Variants in RIOX2 observed in about 807,000 individuals in gnomAD.
RIOX2 encodes the protein 60S ribosomal protein L27a histidine hydroxylase.
RIOX2 carries 43 observed loss-of-function variants against 51.2 expected under a neutral mutation model. The ratio of observed to expected loss-of-function variants is 0.84; its 90% CI spans 0.66 to 1.08. The LOEUF is 1.08. RIOX2 is among the 50% of genes least tolerant of loss of function. RIOX2 has a pLI of 0.00. For missense variants in RIOX2, 566 were observed against 561.7 expected (o/e 1.01, Z -0.08); for synonymous variants, 226 against 218.5 (o/e 1.03, Z -0.30).
chr3:97,942,350 A>T lies in RIOX2; in HGVS notation c.*2834T>A, dbSNP rs764915783. On this transcript the variant is annotated 3_prime_UTR_variant, in exon 10 of 10. Coordinates refer to ENST00000394198, the MANE Select transcript of RIOX2 (RefSeq NM_153182.4). ...ACCTGGAGCTAAAGTAGCTCTATGG[A>T]CTGAACATGGGCAATTCAGGCAGAA... The T allele has an allele frequency of 3.1e-6, 5 of 1,611,910 alleles. No individual in the cohort carries two copies. Among genetic ancestry groups the T allele is most frequent in the Non-Finnish European group, 4.2e-6 (5 of 1,178,608 alleles).
chr3:97,950,848 C>A lies in RIOX2; in HGVS notation c.826G>T (p.Val276Leu), dbSNP rs752038251. Residue 276 changes from valine (V) to leucine (L), a missense_variant, in exon 6 of 10, where the codon GTA becomes TTA. Physicochemically the swap from Val to Leu is conservative, Grantham distance 32 (BLOSUM62 1). Transcript: ENST00000394198. The part of the protein sequence containing the change: ...DFLLDTISGL[V>L]FDTAKEDVEL... ...ACGTCTTCCTTTGCAGTATCAAATA[C>A]AAGCCCCGAGATGGTATCCAAAAGG... 6.2e-7 allele frequency: 1 copy of A among 1,613,754 alleles called. No homozygotes were observed. The highest frequency in any genetic ancestry group is 1.1e-5 in the South Asian group (1 of 91,058).
Position 97,959,110 on chromosome 3 carries a change from C to G in RIOX2, c.622G>C (p.Glu208Gln), listed in dbSNP as rs1705568079. The change falls in exon 4 of 10, where the codon GAG becomes CAG. Residue 208 changes from glutamate (E) to glutamine (Q), a missense_variant. By Grantham distance (29) the Glu-to-Gln change is conservative (BLOSUM62 2). Coordinates refer to ENST00000394198, the MANE Select transcript of RIOX2 (RefSeq NM_153182.4). The part of the protein sequence containing the change: ...LYHPTVPLAR[E>Q]YSVEAEERIG... ...CTTTCCTCGGCCTCCACGCTGTACT[C>G]TCGTGCCAGGGGCACAGTGGGGTGG... The G allele has an allele frequency of 6.2e-7, 1 of 1,613,926 alleles. No homozygotes were observed. The highest frequency in any genetic ancestry group is 1.7e-5 in the Admixed American group (1 of 59,994).
intron 7 of RIOX2, among the ~76,000 whole-genome samples, chr3:97,949,642 T>C (rs1331234339): frequency 6.6e-6 from 1 of 152,116 alleles, no homozygotes; most frequent in African/African-American, 2.4e-5. Context: ...ACAAGTTCTT[T>C]CCAAATGACT....
intron 4 of RIOX2, among the ~76,000 whole-genome samples, chr3:97,956,453 A>C (rs1705453673): frequency 6.6e-6 from 1 of 152,178 alleles, no homozygotes; most frequent in South Asian, 2.1e-4. Flanking sequence ...TTTGACAAGA[A>C]GCAACAGAAA....
chr3:97,962,392 G>A (rs527626964), intron 2 of RIOX2, among the ~76,000 whole-genome samples: 9 of 123,358 alleles, frequency 7.3e-5, no homozygotes, highest in Non-Finnish European at 9.5e-5. Context: ...ATGTCTTTAA[G>A]TCGGTCTGAA....
chr3:97,943,202 T>TTTC lies in RIOX2; in HGVS notation c.*1979_*1981dup. On this transcript the variant is annotated 3_prime_UTR_variant, in exon 10 of 10. Coordinates refer to ENST00000394198, the MANE Select transcript of RIOX2 (RefSeq NM_153182.4). The stretch of plus-strand genomic sequence containing the variant: ...AAGCACCTGCCTGAACAAATAATCT[T>TTTC]TTCTTTTGGAATTTCTATTTTAGGA... 1 of 1,390,572 alleles carries TTTC rather than the reference T, an allele frequency of 7.2e-7. No individual in the cohort carries two copies. The highest frequency in any genetic ancestry group is 1.0e-6 in the Non-Finnish European group (1 of 986,454). The allele number at this position is 1,390,572 out of a possible 1,614,324, so 86.1% of individuals were successfully genotyped here.
chr3:97,967,156 G>A lies in RIOX2; in HGVS notation c.432+6C>T. Reference sequence around the variant, plus strand: ...ATGAGGATTCTGCAATGGGGAAACTGGTTACCTTAAATCTCTGAGGTTGGT... The same window carrying A: ...ATGAGGATTCTGCAATGGGGAAACTAGTTACCTTAAATCTCTGAGGTTGGT... On this transcript the variant is annotated splice_donor_region_variant and intron_variant, in intron 2 of 9. Transcript: ENST00000394198. 1 of 1,610,274 alleles carries A rather than the reference G, an allele frequency of 6.2e-7. No homozygotes were observed. The highest frequency in any genetic ancestry group is 1.1e-5 in the South Asian group (1 of 90,392).
At chr3:97,954,545 C>T (rs1705385685) in intron 4 of RIOX2, 50 bp from the exon 5 acceptor site, 1 of 1,441,404 alleles carries the variant, frequency 6.9e-7, no homozygotes, top group South Asian at 1.2e-5. Context: ...TATTCCTTCT[C>T]AGTCCTCTTC....
At chr3:97,954,547 G>T in intron 4 of RIOX2, 52 bp from the exon 5 acceptor site, 1 of 1,434,600 alleles carries the variant, frequency 7.0e-7, no homozygotes, top group Non-Finnish European at 9.7e-7. Context: ...TTCCTTCTCA[G>T]TCCTCTTCAT....
intron 4 of RIOX2, among the ~76,000 whole-genome samples, chr3:97,957,225 G>A (rs921800436): frequency 5.9e-5 from 9 of 152,176 alleles, no homozygotes; most frequent in East Asian, 1.9e-4. Context: ...TGGGCCAGGC[G>A]CAGTGGCTCA....
intron 2 of RIOX2, among the ~76,000 whole-genome samples, chr3:97,962,878 A>G (rs1437894595): frequency 1.3e-5 from 2 of 152,216 alleles, no homozygotes; most frequent in Non-Finnish European, 2.9e-5. Context: ...GCATGGCTCC[A>G]AAGTCCATAC....
chr3:97,942,661 T>A lies in RIOX2; in HGVS notation c.*2523A>T. ...GGGTTTTTGTTCATTAGTACAGTTGTAAAACTTTCATTTGCTACGTGAACT... is the reference window on the plus strand; with the variant it reads ...GGGTTTTTGTTCATTAGTACAGTTGAAAAACTTTCATTTGCTACGTGAACT... On this transcript the variant is annotated 3_prime_UTR_variant, in exon 10 of 10. Transcript: ENST00000394198. 2.4e-6 allele frequency: 1 copy of A among 424,100 alleles called. No homozygotes were observed. Among genetic ancestry groups the A allele is most frequent in the Non-Finnish European group, 4.2e-6 (1 of 240,816 alleles). 26.3% of individuals were successfully genotyped at this position (424,100 alleles called of 1,614,324 possible). A position where few individuals can be genotyped will look rare whatever the true frequency, so the allele number is the denominator to read the frequency against.
chr3:97,949,566 G>A (rs181395581), intron 7 of RIOX2, among the ~76,000 whole-genome samples: 32 of 152,226 alleles, frequency 2.1e-4, no homozygotes, highest in Admixed American at 2.0e-3. Context: ...GAATACCAGA[G>A]TACCTATAAA....
intron 9 of RIOX2, chr3:97,945,565 T>C (rs1575989019): frequency 1.6e-6 from 1 of 609,026 alleles, no homozygotes; most frequent in East Asian, 2.8e-5. Flanking sequence ...TTTTACATTA[T>C]ACCATTCCTA....
intron 9 of RIOX2, 169 bp from the exon 10 acceptor site, chr3:97,945,511 G>A: frequency 1.6e-6 from 1 of 636,240 alleles, no homozygotes; most frequent in South Asian, 2.2e-5. Flanking sequence ...CTATATAAAA[G>A]GCATCCTAAT....
At chr3:97,954,309 C>A in intron 5 of RIOX2, 83 bp downstream of exon 5, 1 of 985,868 alleles carries the variant, frequency 1.0e-6, no homozygotes, top group Admixed American at 1.9e-5. Flanking sequence ...GGGGCCAACT[C>A]CCTCATATCC....
chr3:97,952,089 G>T, intron 5 of RIOX2: 1 of 955,334 alleles, frequency 1.0e-6, no homozygotes, highest in Non-Finnish European at 1.5e-6. Flanking sequence ...ACATACAGCA[G>T]ACCCCCAAAC....
intron 3 of RIOX2, among the ~76,000 whole-genome samples, chr3:97,961,379 T>C (rs1705666613): frequency 6.6e-6 from 1 of 152,242 alleles, no homozygotes; most frequent in Admixed American, 6.5e-5. Context: ...AAACAAGCTG[T>C]TCCTTTGAGA....
Position 97,952,078 on chromosome 3 carries a change from A to C in RIOX2, c.786-1190T>G, listed in dbSNP as rs893153337. The C allele has an allele frequency of 2.3e-5, 20 of 882,846 alleles. No homozygotes were observed. In the African/African-American group the frequency reaches 3.3e-4, roughly 14 times the overall value. The allele number at this position is 882,846 out of a possible 1,614,324, so 54.7% of individuals were successfully genotyped here. On this transcript the variant is annotated intron_variant, in intron 5 of 9. Coordinates refer to ENST00000394198, the MANE Select transcript of RIOX2 (RefSeq NM_153182.4). Reference sequence around the variant, plus strand: ...ACTTTGGTAAAACAACCAAATCAACAACATACAGCAGACCCCCAAACACTC... The same window carrying C: ...ACTTTGGTAAAACAACCAAATCAACCACATACAGCAGACCCCCAAACACTC...
Sources: gnomAD v4.1 joint callset for allele counts (sites outside exome capture counted in the v4.1 genomes callset) on GRCh38, gnomAD v4.1.1 for gene constraint, MANE v1.5 for transcripts, NCBI Gene and HGNC (gene_info 2026-07-23, HGNC 2026-07-21) for gene names.